ACSL1: variants seen among roughly 807,000 people sequenced by gnomAD.
ACSL1 encodes acyl-CoA synthetase long chain family member 1.
ACSL1 carries 41 observed loss-of-function variants against 98.4 expected under a neutral mutation model. The ratio of observed to expected loss-of-function variants is 0.42; its 90% CI spans 0.32 to 0.54. The LOEUF (loss-of-function observed/expected upper bound fraction) is 0.54. Among genes scored for constraint, ACSL1 ranks in the 20% least tolerant of loss-of-function variants. The pLI is 0.13. For missense variants in ACSL1, 734 were observed against 883.1 expected, an observed-to-expected ratio of 0.83 and a Z score of 2.14; for synonymous variants, 316 against 322.7, an observed-to-expected ratio of 0.98 and a Z score of 0.22.
chr4:184,795,856 C>A (rs545525523), intron 2 of ACSL1, among the ~76,000 whole-genome samples: 2 of 152,332 alleles, frequency 1.3e-5, no homozygotes, highest in African/African-American at 4.8e-5. Context: ...CTGAAGTTAC[C>A]TCAAGGCATG....
rs2150249625 is a variant in ACSL1, at chr4:184,757,371, T to A, written c.1957-106A>T. On this transcript the variant is annotated intron_variant, in intron 20 of 20. Coordinates refer to ENST00000281455, the MANE Select transcript of ACSL1 (RefSeq NM_001995.5). The surrounding 1 kb of genome is among the most constrained non-coding windows in gnomAD (Gnocchi z 4.5). ...CAACACTCTCCAGCCATCCAATCCA[T>A]CCTCTCATTTCAGCCAAGCTGCACC... 1 of 1,388,808 alleles carries A rather than the reference T, an allele frequency of 7.2e-7. No individual in the cohort carries two copies. Among genetic ancestry groups the A allele is most frequent in the South Asian group, 1.4e-5 (1 of 69,038 alleles). 86.0% of individuals were successfully genotyped at this position (1,388,808 alleles called of 1,614,324 possible).
chr4:184,807,796 G>T (rs1366045624), intron 1 of ACSL1, among the ~76,000 whole-genome samples: 1 of 152,212 alleles, frequency 6.6e-6, no homozygotes, highest in South Asian at 2.1e-4. Context: ...AGAAACCAAG[G>T]CCAGAGACTT....
intron 1 of ACSL1, chr4:184,821,325 T>C (rs1162981170): frequency 1.0e-5 from 3 of 297,916 alleles, no homozygotes; most frequent in Admixed American, 8.8e-5. Context: ...GTCCTTCTTA[T>C]ATGGACATTT....
chr4:184,776,816 GC>G, intron 6 of ACSL1, 67 bp downstream of exon 6: 1 of 1,548,166 alleles, frequency 6.5e-7, no homozygotes, highest in Non-Finnish European at 8.8e-7. Context: ...TCAAATGTAA[GC>G]AAATGTAAAG....
At chr4:184,801,797 T>C (rs1351602199) in intron 2 of ACSL1, among the ~76,000 whole-genome samples, 4 of 152,220 alleles carry the variant, frequency 2.6e-5, no homozygotes, top group African/African-American at 9.6e-5. Context: ...TAAACTGTTC[T>C]AGAGAGAACA....
At chr4:184,771,072 C>T (rs1200282999) in intron 10 of ACSL1, among the ~76,000 whole-genome samples, 2 of 151,912 alleles carry the variant, frequency 1.3e-5, no homozygotes, top group Admixed American at 6.6e-5. Flanking sequence ...TGCAGTAAGC[C>T]GAGATTGCAC....
At chr4:184,824,507 A>AT (rs1482997937) in intron 1 of ACSL1, among the ~76,000 whole-genome samples, 4 of 152,182 alleles carry the variant, frequency 2.6e-5, no homozygotes, top group Non-Finnish European at 4.4e-5. Flanking sequence ...GGGGAGAGGT[A>AT]TAAGGTGTGC....
At chr4:184,813,869 G>A (rs1772359634) in intron 1 of ACSL1, 1 of 456,072 alleles carries the variant, frequency 2.2e-6, no homozygotes, top group African/African-American at 2.0e-5. Flanking sequence ...CATGGATGGA[G>A]AGGAAGCTCC....
intron 14 of ACSL1, among the ~76,000 whole-genome samples, chr4:184,765,357 G>C (rs528969149): frequency 6.6e-6 from 1 of 152,320 alleles, no homozygotes; most frequent in South Asian, 2.1e-4. Context: ...TCTTGCACCT[G>C]ATCCTAGAGA....
At position 184,801,474 on chromosome 4, in the gene ACSL1, T is replaced by C. The variant is rs117674506; in HGVS notation, c.195+1846A>G. Among the ~76,000 whole-genome samples, 462 of 152,322 alleles carry C rather than the reference T, an allele frequency of 3.0e-3. 14 individuals are homozygous for C. In the East Asian group the frequency reaches 0.082, roughly 27 times the overall value. On this transcript the variant is annotated intron_variant, in intron 2 of 20. Transcript: ENST00000281455. ...ACCAGCCCCCCGCAGCAGTGCCAGA[T>C]GCACAGGCTCTTCACCGGTACCTTA... is the stretch of plus-strand genomic sequence containing the variant.
At chr4:184,762,545 G>GTGAAC in intron 16 of ACSL1, 22 bp from the exon 17 acceptor site, 1 of 1,600,716 alleles carries the variant, frequency 6.2e-7, no homozygotes. Flanking sequence ...AAGATCATCA[G>GTGAAC]TGAACAGCAT....
intron 1 of ACSL1, among the ~76,000 whole-genome samples, chr4:184,811,120 G>GTT (rs553263210): frequency 6.6e-6 from 1 of 151,400 alleles, no homozygotes; most frequent in East Asian, 1.9e-4. Flanking sequence ...TTTTTGTTTT[G>GTT]TTTTTTGAGA....
chr4:184,824,620 G>A (rs900359512), intron 1 of ACSL1, among the ~76,000 whole-genome samples: 11 of 152,162 alleles, frequency 7.2e-5, no homozygotes, highest in African/African-American at 2.7e-4. Context: ...TCAGACTAGG[G>A]AGGTGTTTTC....
intron 17 of ACSL1, 65 bp from the exon 18 acceptor site, chr4:184,760,565 C>A: frequency 6.3e-7 from 1 of 1,588,070 alleles, no homozygotes; most frequent in Non-Finnish European, 8.6e-7. Flanking sequence ...GGATGGATCC[C>A]AGTACAACAC....
At chr4:184,801,766 C>A (rs74447507) in intron 2 of ACSL1, among the ~76,000 whole-genome samples, 2 of 152,170 alleles carry the variant, frequency 1.3e-5, no homozygotes, top group African/African-American at 4.8e-5. Context: ...ATTTTCATTT[C>A]TTGCTGCATA....
chr4:184,813,520 G>A (rs1035786960), intron 1 of ACSL1: 9 of 194,030 alleles, frequency 4.6e-5, no homozygotes, highest in African/African-American at 9.2e-5. Context: ...GGATCAATAC[G>A]GCATGTTATT....
chr4:184,799,963 C>T (rs1237368786), intron 2 of ACSL1, among the ~76,000 whole-genome samples: 1 of 152,138 alleles, frequency 6.6e-6, no homozygotes, highest in Non-Finnish European at 1.5e-5. Context: ...TGCCCCCTTC[C>T]CCAAAGCCCT....
At chr4:184,763,916 A>T (rs1356805142) in intron 15 of ACSL1, among the ~76,000 whole-genome samples, 1 of 152,208 alleles carries the variant, frequency 6.6e-6, no homozygotes, top group Non-Finnish European at 1.5e-5. Context: ...GCTTCTAGAG[A>T]TCAGTATTCC....
intron 15 of ACSL1, among the ~76,000 whole-genome samples, chr4:184,764,150 G>T (rs1223402506): frequency 6.6e-6 from 1 of 152,230 alleles, no homozygotes; most frequent in East Asian, 1.9e-4. Context: ...AGGAAGCACA[G>T]AAGCTCTGCA....
Sources: gnomAD v4.1 joint callset for allele counts (sites outside exome capture counted in the v4.1 genomes callset) on GRCh38, gnomAD v4.1.1 for gene constraint, Gnocchi (gnomAD v3.1) non-coding constraint, MANE v1.5 for transcripts, NCBI Gene and HGNC (gene_info 2026-07-23, HGNC 2026-07-21) for gene names.